Variants in SH3RF3 observed in about 807,000 individuals in gnomAD.
The protein encoded by SH3RF3 is SH3 domain containing ring finger 3, also known as E3 ubiquitin-protein ligase SH3RF3.
In SH3RF3, 29 loss-of-function variants were observed where a neutral mutation model predicts 66.3. The ratio of observed to expected loss-of-function variants is 0.44; its 90% confidence interval spans 0.33 to 0.60. SH3RF3 has a LOEUF of 0.60. SH3RF3 is among the 20% of genes least tolerant of loss of function. The pLI is 0.04. For missense variants in SH3RF3, 1,194 were observed against 1,190.9 expected, an observed-to-expected ratio of 1.00 and a Z score of -0.04; for synonymous variants, 583 against 532.0, an observed-to-expected ratio of 1.10 and a Z score of -1.32.
intron 1 of SH3RF3, among the ~76,000 whole-genome samples, chr2:109,176,133 T>C (rs925660324): frequency 1.3e-5 from 2 of 152,242 alleles, no homozygotes; most frequent in Non-Finnish European, 2.9e-5. Flanking sequence ...TGCCCTTTAC[T>C]TGGCCCAGTG....
chr2:109,470,017 T>A (rs10184158), intron 8 of SH3RF3, among the ~76,000 whole-genome samples: 6,589 of 152,252 alleles, frequency 0.043, 470 homozygotes, highest in African/African-American at 0.15. Context: ...TTAGTGTTGA[T>A]CATTTCACTC....
intron 8 of SH3RF3, among the ~76,000 whole-genome samples, chr2:109,450,121 G>A (rs888088629): frequency 1.7e-4 from 26 of 152,160 alleles, no homozygotes; most frequent in Non-Finnish European, 2.9e-4. Flanking sequence ...TGAGGCGGGC[G>A]GATCACCTGA....
At chr2:109,266,007 A>T (rs939395161) in intron 1 of SH3RF3, among the ~76,000 whole-genome samples, 1 of 151,978 alleles carries the variant, frequency 6.6e-6, no homozygotes, top group Non-Finnish European at 1.5e-5. Flanking sequence ...TGTCATGTGC[A>T]TGTGTGTGTA....
intron 3 of SH3RF3, among the ~76,000 whole-genome samples, chr2:109,387,808 G>T (rs1675864558): frequency 6.6e-6 from 1 of 152,184 alleles, no homozygotes; most frequent in African/African-American, 2.4e-5. Context: ...CTGGCCTGCA[G>T]TAGGTGCCCA....
At chr2:109,206,666 A>G (rs116831967) in intron 1 of SH3RF3, among the ~76,000 whole-genome samples, 4,730 of 152,144 alleles carry the variant, frequency 0.031, 208 homozygotes, top group African/African-American at 0.1. Flanking sequence ...TTTTTTTTAA[A>G]TTAGCTGGGC....
At chr2:109,244,613 C>G (rs1053472543) in intron 1 of SH3RF3, among the ~76,000 whole-genome samples, 63 of 152,124 alleles carry the variant, frequency 4.1e-4, no homozygotes, top group Non-Finnish European at 5.9e-5. Context: ...GAGGAAAACC[C>G]AAGAATGCCA....
chr2:109,445,833 A>T (rs1330066010), intron 7 of SH3RF3, among the ~76,000 whole-genome samples: 1 of 152,114 alleles, frequency 6.6e-6, no homozygotes, highest in Non-Finnish European at 1.5e-5. Flanking sequence ...TAAGGAAAGG[A>T]CAAAGCTGGT....
intron 1 of SH3RF3, among the ~76,000 whole-genome samples, chr2:109,237,495 C>T (rs1305128079): frequency 6.6e-6 from 1 of 152,212 alleles, no homozygotes; most frequent in Non-Finnish European, 1.5e-5. Flanking sequence ...TTAAAACAAG[C>T]TTGTCCAACC....
At chr2:109,147,169 TC>T (rs1234079955) in intron 1 of SH3RF3, among the ~76,000 whole-genome samples, 2 of 152,110 alleles carry the variant, frequency 1.3e-5, no homozygotes, top group Non-Finnish European at 2.9e-5. Context: ...GGCTGGCACT[TC>T]CTCAAGGTGC....
chr2:109,332,684 C>A (rs765768383), intron 1 of SH3RF3, among the ~76,000 whole-genome samples: 2 of 152,178 alleles, frequency 1.3e-5, no homozygotes, highest in Non-Finnish European at 2.9e-5. Context: ...GGCGATGAGT[C>A]ACCCTTCTGA....
intron 3 of SH3RF3, among the ~76,000 whole-genome samples, chr2:109,374,702 C>T (rs113062125): frequency 0.019 from 2,926 of 152,308 alleles, 93 homozygotes; most frequent in African/African-American, 0.061. Context: ...TTCATGCTCA[C>T]GTAAGCTTGG....
chr2:109,390,625 C>T (rs1384824077), intron 3 of SH3RF3, among the ~76,000 whole-genome samples: 1 of 152,106 alleles, frequency 6.6e-6, no homozygotes, highest in Non-Finnish European at 1.5e-5. Context: ...ATAACTATGA[C>T]AAAGGTGCAA....
At chr2:109,293,351 C>T (rs941769157) in intron 1 of SH3RF3, among the ~76,000 whole-genome samples, 2 of 152,222 alleles carry the variant, frequency 1.3e-5, no homozygotes, top group Non-Finnish European at 2.9e-5. Flanking sequence ...TGTGTGTCAT[C>T]AGGGGCCAGA....
At chr2:109,213,793 ATAGGGTGTGGTGTGG>A (rs1679047067) in intron 1 of SH3RF3, among the ~76,000 whole-genome samples, 1 of 152,002 alleles carries the variant, frequency 6.6e-6, no homozygotes, top group Admixed American at 6.5e-5. Context: ...GTGTGGTGTG[ATAGGGTGTGGTGTGG>A]TGTGGTGGAT....
intron 1 of SH3RF3, among the ~76,000 whole-genome samples, chr2:109,146,100 G>A (rs532825853): frequency 1.3e-5 from 2 of 152,200 alleles, no homozygotes; most frequent in African/African-American, 4.8e-5. Flanking sequence ...TGAACAGTTA[G>A]ATTTAGTGAA....
chr2:109,298,861 A>G (rs1681389519), intron 1 of SH3RF3, among the ~76,000 whole-genome samples: 1 of 152,166 alleles, frequency 6.6e-6, no homozygotes, highest in African/African-American at 2.4e-5. Flanking sequence ...ATTCTCAAAC[A>G]GTGACCAGAG....
At position 109,358,529 on chromosome 2, in the gene SH3RF3, G is replaced by C. The variant is rs186769057; in HGVS notation, c.849+10580G>C. Among the ~76,000 whole-genome samples, 4 of 152,288 alleles carry C rather than the reference G, an allele frequency of 2.6e-5. No individual in the cohort carries two copies. The South Asian group carries it at 8.3e-4, about 32-fold the overall frequency. On this transcript the variant is annotated intron_variant, in intron 2 of 9. Coordinates refer to ENST00000309415, the MANE Select transcript of SH3RF3 (RefSeq NM_001099289.3). ...GCATTTCTGCCAGCCGTGAATGAGC[G>C]TTCCTGTTGCTCCACATCCTCATCA...
intron 1 of SH3RF3, among the ~76,000 whole-genome samples, chr2:109,162,713 A>G (rs934749030): frequency 6.6e-5 from 10 of 152,352 alleles, no homozygotes; most frequent in Admixed American, 6.5e-4. Context: ...TTATAGCTGC[A>G]TGATTTATAA....
chr2:109,479,146 G>A (rs1035207148), intron 8 of SH3RF3, among the ~76,000 whole-genome samples: 8 of 152,146 alleles, frequency 5.3e-5, no homozygotes, highest in South Asian at 4.1e-4. Flanking sequence ...ACAATGTGGC[G>A]ACTGGGTTCC....
Sources: allele counts gnomAD v4.1 joint callset (sites outside exome capture counted in the v4.1 genomes callset), GRCh38; gene constraint gnomAD v4.1.1; transcripts MANE v1.5; gene names NCBI Gene and HGNC (gene_info 2026-07-23, HGNC 2026-07-21).